UNC5D: variants seen among roughly 807,000 people sequenced by gnomAD.
UNC5D encodes unc-5 netrin receptor D, also known as netrin receptor UNC5D.
UNC5D carries 39 observed loss-of-function variants against 105.4 expected under a neutral mutation model. That is an observed-to-expected ratio of 0.37 (90% CI 0.29 to 0.48). UNC5D has a LOEUF of 0.48. UNC5D is among the 20% of genes least tolerant of loss of function. The pLI is 0.98. For missense variants in UNC5D, 991 were observed against 1,202.4 expected, an observed-to-expected ratio of 0.82 and a Z score of 2.60; for synonymous variants, 452 against 450.4, an observed-to-expected ratio of 1.00 and a Z score of -0.04.
intron 4 of UNC5D, among the ~76,000 whole-genome samples, chr8:35,681,090 A>G (rs570766879): frequency 5.9e-5 from 9 of 152,306 alleles, no homozygotes; most frequent in African/African-American, 2.2e-4. Context: ...CTTTACAGTA[A>G]GTGTTACACC....
intron 1 of UNC5D, among the ~76,000 whole-genome samples, chr8:35,381,097 T>C (rs973221774): frequency 6.6e-6 from 1 of 151,980 alleles, no homozygotes; most frequent in African/African-American, 2.4e-5. Context: ...AAAATATTCT[T>C]CCAGGAAGAA....
chr8:35,628,248 C>G (rs1003770435), intron 4 of UNC5D, among the ~76,000 whole-genome samples: 2 of 152,072 alleles, frequency 1.3e-5, no homozygotes, highest in Non-Finnish European at 2.9e-5. Flanking sequence ...ATTCTCGTGC[C>G]TCAGCTTCCC....
At chr8:35,591,015 C>G (rs1819134866) in intron 3 of UNC5D, among the ~76,000 whole-genome samples, 1 of 152,256 alleles carries the variant, frequency 6.6e-6, no homozygotes, top group African/African-American at 2.4e-5. Context: ...AAGTTTAAAA[C>G]TTTTAAGTGT....
At chr8:35,601,483 G>T (rs571070440) in intron 4 of UNC5D, among the ~76,000 whole-genome samples, 1 of 152,198 alleles carries the variant, frequency 6.6e-6, no homozygotes, top group East Asian at 1.9e-4. Context: ...ATTGAGCAGT[G>T]GTTTGTAGTT....
At chr8:35,610,056 G>A (rs367937512) in intron 4 of UNC5D, among the ~76,000 whole-genome samples, 1 of 151,822 alleles carries the variant, frequency 6.6e-6, no homozygotes, top group Non-Finnish European at 1.5e-5. Context: ...TACCATTTTT[G>A]AAATGTTCTC....
chr8:35,669,331 G>C (rs1824624666), intron 4 of UNC5D, among the ~76,000 whole-genome samples: 1 of 151,326 alleles, frequency 6.6e-6, no homozygotes, highest in Non-Finnish European at 1.5e-5. Context: ...TGATTTTCAG[G>C]GTGCTCTTTG....
chr8:35,396,398 C>T lies in UNC5D; in HGVS notation c.104-152894C>T, dbSNP rs111461777. ...TCTTCCAGTAGAGTCACACCGGGCG[C>T]ACCTCGTTCCCCCAGCAGCAAGCTA... On this transcript the variant is annotated intron_variant, in intron 1 of 16. Coordinates refer to ENST00000404895, the MANE Select transcript of UNC5D (RefSeq NM_080872.4). Among the ~76,000 whole-genome samples the T allele has an allele frequency of 1.6e-3, 247 of 152,288 alleles. 2 individuals are homozygous for T. Among genetic ancestry groups the T allele is most frequent in the Non-Finnish European group, 3.0e-3 (206 of 68,028 alleles).
At chr8:35,724,740 G>A (rs962200750) in intron 9 of UNC5D, among the ~76,000 whole-genome samples, 22 of 152,190 alleles carry the variant, frequency 1.4e-4, no homozygotes, top group African/African-American at 5.1e-4. Context: ...AGGTGACTGA[G>A]GCATGTGGCT....
chr8:35,255,553 G>A (rs1228923543), intron 1 of UNC5D: 3 of 152,088 alleles, frequency 2.0e-5, no homozygotes, highest in African/African-American at 7.2e-5. Flanking sequence ...AAACAACTGA[G>A]AAGGCTGGTT....
chr8:35,404,841 C>T (rs1014870773), intron 1 of UNC5D, among the ~76,000 whole-genome samples: 1 of 152,112 alleles, frequency 6.6e-6, no homozygotes, highest in Non-Finnish European at 1.5e-5. Flanking sequence ...ACCCTGGCCT[C>T]GGCCTCCCAA....
At chr8:35,300,705 G>A (rs991940712) in intron 1 of UNC5D, among the ~76,000 whole-genome samples, 2 of 152,044 alleles carry the variant, frequency 1.3e-5, no homozygotes, top group African/African-American at 4.8e-5. Context: ...AGCAAATACT[G>A]TACTTCAGTT....
In UNC5D at chr8:35,647,368, G is replaced by A. The variant is rs143204508; in HGVS notation, c.571-36179G>A. Among the ~76,000 whole-genome samples the A allele has an allele frequency of 2.3e-3, 343 of 146,672 alleles. 3 individuals carry two copies. The highest frequency in any genetic ancestry group is 7.8e-3 in the African/African-American group (307 of 39,536). On this transcript the variant is annotated intron_variant, in intron 4 of 16. Coordinates refer to ENST00000404895, the MANE Select transcript of UNC5D (RefSeq NM_080872.4). ...GATGCTTTGTTATTTTAAAAATCCT[G>A]ATTTGGAGCTCCTGTGTATTTGTGT...
intron 4 of UNC5D, among the ~76,000 whole-genome samples, chr8:35,646,619 A>C (rs993437624): frequency 6.6e-6 from 1 of 152,038 alleles, no homozygotes; most frequent in Non-Finnish European, 1.5e-5. Context: ...ATACTTCTTA[A>C]TACCTCTCCC....
At chr8:35,329,281 C>T (rs530863359) in intron 1 of UNC5D, among the ~76,000 whole-genome samples, 10 of 151,898 alleles carry the variant, frequency 6.6e-5, no homozygotes, top group South Asian at 4.2e-4. Flanking sequence ...TCCAGAGTTT[C>T]GGCTCTATTT....
At chr8:35,434,768 A>G (rs1425956175) in intron 1 of UNC5D, among the ~76,000 whole-genome samples, 1 of 152,150 alleles carries the variant, frequency 6.6e-6, no homozygotes, top group Non-Finnish European at 1.5e-5. Context: ...GAAAACTTAC[A>G]TGATAGTTCT....
chr8:35,421,060 T>C (rs1440423739), intron 1 of UNC5D, among the ~76,000 whole-genome samples: 1 of 152,132 alleles, frequency 6.6e-6, no homozygotes, highest in Non-Finnish European at 1.5e-5. Flanking sequence ...CTCCATTCCC[T>C]CCATCCATTT....
At chr8:35,444,736 T>C (rs1807663410) in intron 1 of UNC5D, among the ~76,000 whole-genome samples, 1 of 151,974 alleles carries the variant, frequency 6.6e-6, no homozygotes, top group East Asian at 1.9e-4. Context: ...GACTCCTAGG[T>C]TTCTATTATT....
chr8:35,294,064 C>G (rs986110296), intron 1 of UNC5D, among the ~76,000 whole-genome samples: 1 of 152,112 alleles, frequency 6.6e-6, no homozygotes, highest in Non-Finnish European at 1.5e-5. Flanking sequence ...GAAATAAATC[C>G]AAGAGGATTT....
chr8:35,332,295 G>A (rs182663460), intron 1 of UNC5D, among the ~76,000 whole-genome samples: 11 of 152,316 alleles, frequency 7.2e-5, no homozygotes, highest in Admixed American at 3.9e-4. Flanking sequence ...GTACTGTGAT[G>A]TAGCAGAATG....
Sources: allele counts gnomAD v4.1 joint callset (sites outside exome capture counted in the v4.1 genomes callset), GRCh38; gene constraint gnomAD v4.1.1; transcripts MANE v1.5; gene names NCBI Gene and HGNC (gene_info 2026-07-23, HGNC 2026-07-21).